Variants in CCDC60 observed in about 807,000 individuals in gnomAD.
CCDC60 encodes coiled-coil domain-containing protein 60.
CCDC60 carries 54 observed loss-of-function variants against 63.5 expected under a neutral mutation model. The ratio of observed to expected loss-of-function variants is 0.85; its 90% confidence interval spans 0.68 to 1.07. The LOEUF is 1.07. Ranked by LOEUF, CCDC60 falls within the 50% of genes least tolerant of loss-of-function variation. CCDC60 has a pLI of 0.00. For synonymous variants in CCDC60, 206 were observed against 238.8 expected, an observed-to-expected ratio of 0.86 and a Z score of 1.27; for missense variants, 651 against 684.3, an observed-to-expected ratio of 0.95 and a Z score of 0.54.
chr12:119,457,618 G>T (rs1366991606), intron 2 of CCDC60, among the ~76,000 whole-genome samples: 1 of 152,186 alleles, frequency 6.6e-6, no homozygotes, highest in African/African-American at 2.4e-5. Flanking sequence ...TGGCAATCTT[G>T]TCCTATAAAG....
At chr12:119,487,063 G>A (rs1951462674) in intron 4 of CCDC60, among the ~76,000 whole-genome samples, 1 of 152,128 alleles carries the variant, frequency 6.6e-6, no homozygotes, top group Admixed American at 6.5e-5. Context: ...GCAGGCAGCA[G>A]GTTAACCCTC....
At chr12:119,369,307 A>T (rs1592996836) in intron 1 of CCDC60, among the ~76,000 whole-genome samples, 1 of 152,212 alleles carries the variant, frequency 6.6e-6, no homozygotes, top group South Asian at 2.1e-4. Context: ...ATCTCCAAGG[A>T]AGTCTCCCCT....
intron 1 of CCDC60, among the ~76,000 whole-genome samples, chr12:119,360,045 T>G (rs1955760029): frequency 6.6e-6 from 1 of 152,058 alleles, no homozygotes; most frequent in African/African-American, 2.4e-5. Context: ...AATGAGCTGT[T>G]GGGCACACCT....
At chr12:119,346,651 A>G (rs1453325121) in intron 1 of CCDC60, among the ~76,000 whole-genome samples, 1 of 152,198 alleles carries the variant, frequency 6.6e-6, no homozygotes, top group Non-Finnish European at 1.5e-5. Context: ...ACCACAGACA[A>G]GGATATTTGC....
At chr12:119,529,600 G>C (rs1248532192) in intron 12 of CCDC60, among the ~76,000 whole-genome samples, 1 of 152,138 alleles carries the variant, frequency 6.6e-6, no homozygotes, top group Admixed American at 6.5e-5. Context: ...CTTACAAGCA[G>C]GTCCCTGGAG....
chr12:119,502,985 A>G (rs112399157), intron 6 of CCDC60, among the ~76,000 whole-genome samples: 2 of 152,184 alleles, frequency 1.3e-5, no homozygotes, highest in South Asian at 4.1e-4. Context: ...CCTGGGCAAC[A>G]TGGTGAAACC....
intron 4 of CCDC60, among the ~76,000 whole-genome samples, chr12:119,488,000 C>G (rs1335129771): frequency 6.6e-6 from 1 of 152,086 alleles, no homozygotes; most frequent in Non-Finnish European, 1.5e-5. Context: ...TGCCACCACA[C>G]CCAGCTCATT....
intron 1 of CCDC60, among the ~76,000 whole-genome samples, chr12:119,377,907 G>A (rs754313431): frequency 3.9e-5 from 6 of 152,292 alleles, no homozygotes; most frequent in Admixed American, 1.3e-4. Flanking sequence ...AATCGAGGAC[G>A]CAGACACACA....
intron 4 of CCDC60, among the ~76,000 whole-genome samples, chr12:119,481,710 A>C (rs996344672): frequency 3.3e-5 from 5 of 151,900 alleles, no homozygotes; most frequent in African/African-American, 1.2e-4. Flanking sequence ...CACCTGGGCC[A>C]TATACACTGC....
intron 3 of CCDC60, among the ~76,000 whole-genome samples, chr12:119,475,098 C>A (rs1252898093): frequency 6.6e-6 from 1 of 152,090 alleles, no homozygotes; most frequent in Non-Finnish European, 1.5e-5. Context: ...TGGTGTAGAC[C>A]CTGGGATCAG....
chr12:119,433,281 A>C, intron 2 of CCDC60: 1 of 637,058 alleles, frequency 1.6e-6, no homozygotes, highest in Non-Finnish European at 2.8e-6. Context: ...TGATACAGGC[A>C]ACAGTTGTTC....
intron 3 of CCDC60, among the ~76,000 whole-genome samples, chr12:119,474,634 A>G (rs1951137328): frequency 6.6e-6 from 1 of 152,218 alleles, no homozygotes; most frequent in South Asian, 2.1e-4. Flanking sequence ...GTTGTACAAC[A>G]TGGTGCAATG....
At chr12:119,484,838 G>A (rs1186248045) in intron 4 of CCDC60, among the ~76,000 whole-genome samples, 1 of 152,226 alleles carries the variant, frequency 6.6e-6, no homozygotes, top group Non-Finnish European at 1.5e-5. Flanking sequence ...TCTGTGCAGA[G>A]CACAGAGCAC....
chr12:119,350,461 T>C (rs1253643577), intron 1 of CCDC60, among the ~76,000 whole-genome samples: 3 of 151,950 alleles, frequency 2.0e-5, no homozygotes. Context: ...TCAAACTCCT[T>C]ACCTCAAGTG....
intron 1 of CCDC60, among the ~76,000 whole-genome samples, chr12:119,414,644 G>A (rs544402127): frequency 3.9e-5 from 6 of 152,100 alleles, no homozygotes; most frequent in South Asian, 4.2e-4. Context: ...TCAAACTCTC[G>A]AGCTTAAGTG....
intron 1 of CCDC60, among the ~76,000 whole-genome samples, chr12:119,381,027 C>A (rs1049567374): frequency 2.0e-5 from 3 of 152,070 alleles, no homozygotes; most frequent in African/African-American, 7.2e-5. Context: ...TTGTGAATGA[C>A]CAACACGTCT....
intron 1 of CCDC60, among the ~76,000 whole-genome samples, chr12:119,349,043 A>G (rs1470486316): frequency 2.0e-5 from 3 of 152,202 alleles, no homozygotes; most frequent in African/African-American, 7.2e-5. Context: ...GGCATTATTA[A>G]TTCCATTTTA....
intron 5 of CCDC60, among the ~76,000 whole-genome samples, chr12:119,499,845 A>G (rs1027933143): frequency 2.6e-5 from 4 of 152,124 alleles, no homozygotes; most frequent in Admixed American, 2.0e-4. Flanking sequence ...GCAAATATAT[A>G]CCACCTCCCT....
intron 1 of CCDC60, among the ~76,000 whole-genome samples, chr12:119,345,392 C>T (rs888892758): frequency 6.6e-6 from 1 of 152,116 alleles, no homozygotes; most frequent in Non-Finnish European, 1.5e-5. Flanking sequence ...ATCCCAGCTA[C>T]TCAGGAGGCT....
Sources: gnomAD v4.1 joint callset for allele counts (sites outside exome capture counted in the v4.1 genomes callset) on GRCh38, gnomAD v4.1.1 for gene constraint, MANE v1.5 for transcripts, NCBI Gene and HGNC (gene_info 2026-07-23, HGNC 2026-07-21) for gene names.